Variants in RNF157 observed in about 807,000 individuals in gnomAD.
RNF157 encodes ring finger protein 157.
Under a neutral mutation model 88.3 loss-of-function variants are expected in RNF157, and 55 were observed. That is an observed-to-expected ratio of 0.62 (90% CI 0.50 to 0.78). The LOEUF is 0.78. Among genes scored for constraint, RNF157 ranks in the 30% least tolerant of loss-of-function variants. RNF157 has a pLI of 0.00. For missense variants in RNF157, 788 were observed against 860.8 expected (o/e 0.92, Z 1.06); for synonymous variants, 334 against 341.2 (o/e 0.98, Z 0.23).
intron 2 of RNF157, among the ~76,000 whole-genome samples, chr17:76,194,758 G>A (rs536502221): frequency 6.6e-6 from 1 of 152,178 alleles, no homozygotes; most frequent in Admixed American, 6.5e-5. Context: ...GCTCACACCT[G>A]TAATCCCAGC....
intron 1 of RNF157, chr17:76,225,725 C>A (rs963447488): frequency 6.7e-7 from 1 of 1,486,310 alleles, no homozygotes; most frequent in Non-Finnish European, 9.0e-7. Flanking sequence ...TGTACAAGCA[C>A]GTTGACACTC....
In RNF157 at chr17:76,161,883, C is replaced by A. The variant is rs773393669; in HGVS notation, c.912G>T (p.Thr304=). The A allele has an allele frequency of 1.2e-6, 2 of 1,614,092 alleles. No homozygotes were observed. Among genetic ancestry groups the A allele is most frequent in the East Asian group, 2.2e-5 (1 of 44,894 alleles). Residue 304 remains threonine (T), a synonymous_variant, in exon 10 of 19, where the codon ACG becomes ACT. Coordinates refer to ENST00000269391, the MANE Select transcript of RNF157 (RefSeq NM_052916.3). The surrounding 1 kb of genome is among the most constrained non-coding windows in gnomAD (Gnocchi z 4.6). ...HLCLCNTCAD[T]LRYQANNCPI... is the part of the protein sequence containing the mutation. ...GGCAGTTGTTGGCCTGGTAGCGCAG[C>A]GTGTCTGCACAGGTGTTACAGAGGC...
At chr17:76,183,059 C>T (rs1033233479) in intron 2 of RNF157, among the ~76,000 whole-genome samples, 2 of 151,798 alleles carry the variant, frequency 1.3e-5, no homozygotes, top group Non-Finnish European at 2.9e-5. Flanking sequence ...CCTTGCTTCC[C>T]GAGTAGCTGG....
chr17:76,167,963 G>A (rs1001851258), intron 3 of RNF157, among the ~76,000 whole-genome samples, 166 bp from the exon 4 acceptor site: 1 of 152,124 alleles, frequency 6.6e-6, no homozygotes, highest in Non-Finnish European at 1.5e-5. Context: ...ATGTTGCTGG[G>A]CATTCAGGTT....
intron 18 of RNF157, 28 bp downstream of exon 18, chr17:76,152,327 A>G (rs2068691293): frequency 7.1e-7 from 1 of 1,400,370 alleles, no homozygotes; most frequent in Admixed American, 1.7e-5. Flanking sequence ...TCTCCCACCA[A>G]GTTCATGTTC....
intron 2 of RNF157, among the ~76,000 whole-genome samples, chr17:76,189,440 T>C (rs1390742446): frequency 1.3e-5 from 2 of 152,198 alleles, no homozygotes; most frequent in Non-Finnish European, 2.9e-5. Context: ...ACGGTGACTT[T>C]AGACAAGCTG....
intron 2 of RNF157, among the ~76,000 whole-genome samples, chr17:76,178,429 C>G (rs1387818909): frequency 6.6e-6 from 1 of 152,230 alleles, no homozygotes; most frequent in Non-Finnish European, 1.5e-5. Flanking sequence ...GCACAGTGGC[C>G]GGACCCCACT....
intron 2 of RNF157, among the ~76,000 whole-genome samples, chr17:76,211,469 T>A (rs1311570969): frequency 6.6e-6 from 1 of 152,204 alleles, no homozygotes; most frequent in Non-Finnish European, 1.5e-5. Flanking sequence ...TTTTGTCTGC[T>A]CCACCAAACT....
chr17:76,146,658 C>T lies in RNF157; in HGVS notation c.1922-1305G>A, dbSNP rs2068589884. The T allele has an allele frequency of 1.0e-6, 1 of 985,500 alleles. No individual in the cohort carries two copies. The highest frequency in any genetic ancestry group is 1.2e-6 in the Non-Finnish European group (1 of 829,946). The allele number at this position is 985,500 out of a possible 1,614,324, so 61.0% of individuals were successfully genotyped here. Reference sequence around the variant, plus strand: ...TCCTAAGTGCTCCCTGCAGCCTGAACTACTGCTCCACGCACACGTCACATG... The same window carrying T: ...TCCTAAGTGCTCCCTGCAGCCTGAATTACTGCTCCACGCACACGTCACATG... On this transcript the variant is annotated intron_variant, in intron 18 of 18. Transcript: ENST00000269391. The surrounding 1 kb of genome is among the most constrained non-coding windows in gnomAD (Gnocchi z 4.2).
rs184934564 is a variant in RNF157, at chr17:76,199,101, G to A, written c.207+13263C>T. ...GTAAATGATTGAGGGAATAATGAAG[G>A]AGTGAGCCAGTTAGTCAGTGATTTG... On this transcript the variant is annotated intron_variant, in intron 2 of 18. Transcript: ENST00000269391. 6.5e-4 allele frequency among the ~76,000 whole-genome samples: 99 copies of A among 152,342 alleles called. 1 individual carries two copies. The highest frequency in any genetic ancestry group is 2.1e-3 in the African/African-American group (86 of 41,572).
At position 76,161,738 on chromosome 17, in the gene RNF157, C is replaced by T. The variant is rs961111110; in HGVS notation, c.953-91G>A. ...ACAGAAACCATGATCCCTCCCAGCGCGCATCCGTTTGTCAGATCCAGCAGC... is the reference window on the plus strand; with the variant it reads ...ACAGAAACCATGATCCCTCCCAGCGTGCATCCGTTTGTCAGATCCAGCAGC... On this transcript the variant is annotated intron_variant, in intron 10 of 18. Coordinates refer to ENST00000269391, the MANE Select transcript of RNF157 (RefSeq NM_052916.3). The surrounding 1 kb of genome is among the most constrained non-coding windows in gnomAD (Gnocchi z 4.6). 104 of 1,522,886 alleles carry T rather than the reference C, an allele frequency of 6.8e-5. No homozygotes were observed. The highest frequency in any genetic ancestry group is 2.9e-4 in the South Asian group (25 of 85,374). The allele number at this position is 1,522,886 out of a possible 1,614,324, so 94.3% of individuals were successfully genotyped here.
intron 2 of RNF157, among the ~76,000 whole-genome samples, chr17:76,182,846 G>A (rs1394749185): frequency 3.7e-5 from 3 of 81,020 alleles, no homozygotes; most frequent in Non-Finnish European, 7.2e-5. Context: ...TGATATATAG[G>A]ATATATAGGA....
At position 76,167,030 on chromosome 17, in the gene RNF157, G is replaced by A; in HGVS notation, c.540C>T (p.Pro180=). 1 of 1,610,684 alleles carries A rather than the reference G, an allele frequency of 6.2e-7. No individual in the cohort carries two copies. Among genetic ancestry groups the A allele is most frequent in the Non-Finnish European group, 8.5e-7 (1 of 1,179,590 alleles). Reference sequence around the variant, plus strand: ...TCACCTCCTCTTCGGCCCACTCGGAGGGATCCACGGTGTGGGAGGGCAGGC... The same window carrying A: ...TCACCTCCTCTTCGGCCCACTCGGAAGGATCCACGGTGTGGGAGGGCAGGC... ...QFCLPSHTVD[P]SEWAEEELGF... Residue 180 remains proline (P), a synonymous_variant, in exon 5 of 19, where the codon CCC becomes CCT. Coordinates refer to ENST00000269391, the MANE Select transcript of RNF157 (RefSeq NM_052916.3).
At chr17:76,203,829 A>G (rs11868301) in intron 2 of RNF157, among the ~76,000 whole-genome samples, 14,595 of 144,696 alleles carry the variant, frequency 0.1, 1,627 homozygotes, top group African/African-American at 0.28. Context: ...GTGCAGTGGC[A>G]CGATCTCGGC....
At chr17:76,181,614 T>A (rs1182582572) in intron 2 of RNF157, among the ~76,000 whole-genome samples, 1 of 151,930 alleles carries the variant, frequency 6.6e-6, no homozygotes, top group Admixed American at 6.6e-5. Context: ...TTCACTAAAT[T>A]GTTTTCAAAA....
In RNF157 at chr17:76,147,401, C is replaced by A. The variant is rs939028244; in HGVS notation, c.1922-2048G>T. 51 of 920,060 alleles carry A rather than the reference C, an allele frequency of 5.5e-5. No individual in the cohort carries two copies. The African/African-American group carries it at 7.4e-4, about 13-fold the overall frequency. 57.0% of individuals were successfully genotyped at this position (920,060 alleles called of 1,614,324 possible). A position where few individuals can be genotyped will look rare whatever the true frequency, so the allele number is the denominator to read the frequency against. ...AAAAACAGCAGCACCACCACCACCACCGCCGCCGCCACCACCAGCAAGCCA... is the reference window on the plus strand; with the variant it reads ...AAAAACAGCAGCACCACCACCACCAACGCCGCCGCCACCACCAGCAAGCCA... On this transcript the variant is annotated intron_variant, in intron 18 of 18. Transcript: ENST00000269391.
At chr17:76,212,240 T>C (rs971696652) in intron 2 of RNF157, 124 bp downstream of exon 2, 1 of 689,588 alleles carries the variant, frequency 1.5e-6, no homozygotes, top group Non-Finnish European at 2.6e-6. Context: ...TGTCTTCTAG[T>C]GCATCTCTCT....
At chr17:76,194,469 C>T (rs1235590788) in intron 2 of RNF157, among the ~76,000 whole-genome samples, 1 of 152,210 alleles carries the variant, frequency 6.6e-6, no homozygotes, top group Admixed American at 6.5e-5. Context: ...GATGACTCTG[C>T]AGGCTCTGCT....
intron 1 of RNF157, chr17:76,226,561 T>C: frequency 1.2e-6 from 2 of 1,613,656 alleles, no homozygotes; most frequent in South Asian, 1.1e-5. Flanking sequence ...ACATCCAATG[T>C]GTCCCAGAGA....
Sources: allele counts gnomAD v4.1 joint callset (sites outside exome capture counted in the v4.1 genomes callset), GRCh38; gene constraint gnomAD v4.1.1; non-coding constraint Gnocchi (gnomAD v3.1); transcripts MANE v1.5; gene names NCBI Gene and HGNC (gene_info 2026-07-23, HGNC 2026-07-21).